Variants in ZAN observed in about 807,000 individuals in gnomAD.
ZAN encodes the protein zonadhesin (gene/pseudogene).
A neutral mutation model predicts 286.2 loss-of-function variants in ZAN; 260 were observed. The ratio of observed to expected loss-of-function variants is 0.91; its 90% CI spans 0.82 to 1.01. ZAN has a LOEUF of 1.01. Ranked by LOEUF, ZAN falls within the 50% of genes least tolerant of loss-of-function variation. The probability of loss-of-function intolerance (pLI) is 0.00; values close to 1 mark genes in which losing one functional copy is unlikely to be tolerated. For missense variants in ZAN, 3,410 were observed against 3,639.2 expected (o/e 0.94, Z 1.62); for synonymous variants, 1,368 against 1,417.5 (o/e 0.97, Z 0.79).
chr7:100,755,850 G>T (rs920519793), intron 15 of ZAN, among the ~76,000 whole-genome samples: 1 of 152,100 alleles, frequency 6.6e-6, no homozygotes, highest in African/African-American at 2.4e-5. Flanking sequence ...GGGATTATAG[G>T]CATAAGTCAC....
At chr7:100,786,263 G>T (rs1002619806) in intron 37 of ZAN, 122 bp downstream of exon 37, 264 of 1,436,420 alleles carry the variant, frequency 1.8e-4, no homozygotes, top group Non-Finnish European at 2.4e-4. Flanking sequence ...GTTGGGGCGG[G>T]CGACTGGATC....
rs772700695 is a variant in ZAN, at chr7:100,758,277, ATC to A, written c.3390_3391del (p.Gln1131ValfsTer10). 1.9e-6 allele frequency: 3 copies of A among 1,613,382 alleles called. No individual in the cohort carries two copies. In the African/African-American group the frequency reaches 4.0e-5, roughly 21 times the overall value. On this transcript the variant is annotated frameshift_variant, in exon 16 of 48. Coordinates refer to ENST00000613979, the MANE Select transcript of ZAN (RefSeq NM_003386.3). LOFTEE classifies it high-confidence loss of function. The stretch of plus-strand genomic sequence containing the variant: ...GCCCGGCAGTCGGGTCGAGTGCCAG[ATC>A]TCTCAGTGTGGGACACACACCGTGT... ...CWPGSRVECQ[I>X]SQCGTHTVCQ...
In ZAN at chr7:100,736,479, C is replaced by CT; in HGVS notation, c.107-3dup. On this transcript the variant is annotated splice_polypyrimidine_tract_variant and splice_region_variant and intron_variant, in intron 3 of 47. Coordinates refer to ENST00000613979, the MANE Select transcript of ZAN (RefSeq NM_003386.3). ...GAAACCTCACTGTGACCCATTCTTC[C>CT]TAGATGTCCTCACCCAGTGTGATTT... 1 of 1,523,842 alleles carries CT rather than the reference C, an allele frequency of 6.6e-7. No homozygotes were observed. Among genetic ancestry groups the CT allele is most frequent in the Non-Finnish European group, 9.0e-7 (1 of 1,107,996 alleles). The allele number at this position is 1,523,842 out of a possible 1,614,324, so 94.4% of individuals were successfully genotyped here.
chr7:100,777,455 A>G (rs1810900170), intron 34 of ZAN, among the ~76,000 whole-genome samples: 1 of 152,014 alleles, frequency 6.6e-6, no homozygotes, highest in African/African-American at 2.4e-5. Context: ...CCGGGGTTCA[A>G]GCAATTCTCG....
chr7:100,779,514 G>T lies in ZAN; in HGVS notation c.6386G>T (p.Cys2129Phe). ...CAGCAGGAGAACCCGAGTGGAAACT[G>T]CAGGGCGGCCGACCTCCGCAGGGCG... The part of the protein sequence containing the change: ...AEQQENPSGN[C>F]RAADLRRARE... The change falls in exon 35 of 48, where the codon TGC becomes TTC. Residue 2129 changes from cysteine to phenylalanine, a missense_variant. Transcript: ENST00000613979. The T allele has an allele frequency of 1.9e-6, 3 of 1,612,480 alleles. No homozygotes were observed. The highest frequency in any genetic ancestry group is 2.5e-6 in the Non-Finnish European group (3 of 1,179,496).
chr7:100,775,699 A>G lies in ZAN; in HGVS notation c.6058A>G (p.Ile2020Val). 6.2e-7 allele frequency: 1 copy of G among 1,613,910 alleles called. No homozygotes were observed. The highest frequency in any genetic ancestry group is 8.5e-7 in the Non-Finnish European group (1 of 1,179,872). The part of the protein sequence containing the change: ...INSKQVTLPA[I>V]SQIPGVSVKS... ...CAGCAAACAGGTCACCCTCCCCGCC[A>G]TCTCCCAGATCCCTGGGGTCAGTGT... The change falls in exon 33 of 48, where the codon ATC becomes GTC. Residue 2020 changes from isoleucine (I) to valine (V), a missense_variant. Ile to Val is a conservative substitution (Grantham distance 29). Transcript: ENST00000613979.
chr7:100,768,461 G>A, intron 26 of ZAN, 149 bp from the exon 27 acceptor site: 1 of 688,488 alleles, frequency 1.5e-6, no homozygotes, highest in East Asian at 2.8e-5. Flanking sequence ...GTCAGAGCAA[G>A]ACTCCATCTC....
chr7:100,762,257 C>T lies in ZAN; in HGVS notation c.3885C>T (p.Asp1295=), dbSNP rs368498950. 2.1e-3 allele frequency: 3,428 copies of T among 1,613,444 alleles called. 96 individuals carry two copies. The South Asian group carries it at 0.034, about 16-fold the overall frequency. Residue 1295 remains aspartate, a synonymous_variant, in exon 20 of 48, where the codon GAC becomes GAT. Coordinates refer to ENST00000613979, the MANE Select transcript of ZAN (RefSeq NM_003386.3). Reference sequence around the variant, plus strand: ...TCTGTGGTTTGTGTGGGAACTATGACGGCAACAGTGACAATGACCACCTGA... The same window carrying T: ...TCTGTGGTTTGTGTGGGAACTATGATGGCAACAGTGACAATGACCACCTGA... ...GKLCGLCGNY[D]GNSDNDHLKL... is the part of the protein sequence containing the mutation.
chr7:100,736,684 G>C, intron 4 of ZAN, 55 bp downstream of exon 4: 1 of 1,506,964 alleles, frequency 6.6e-7, no homozygotes, highest in Non-Finnish European at 9.1e-7. Context: ...TGGGAGGCGG[G>C]AGTGGCTAGA....
At position 100,750,726 on chromosome 7, in the gene ZAN, G is replaced by A; in HGVS notation, c.1351G>A (p.Glu451Lys). Residue 451 changes from glutamate (E) to lysine (K), a missense_variant, in exon 12 of 48, where the codon GAG (glutamate) becomes AAG (lysine). Glu to Lys is a moderately conservative substitution (Grantham distance 56). Transcript: ENST00000613979. ...PFCAPGDICV[E>K]FAYHMYGLGE... ...CTGCGCCCCAGGTGACATCTGCGTG[G>A]AGTTCGCATACCACATGTATGGCCT... The A allele has an allele frequency of 1.2e-6, 2 of 1,613,060 alleles. No homozygotes were observed. Among genetic ancestry groups the A allele is most frequent in the Admixed American group, 1.7e-5 (1 of 59,814 alleles).
In ZAN at chr7:100,793,511, C is replaced by T. The variant is rs182283630; in HGVS notation, c.7788-309C>T. ...CTGGAGTGCAGTGGCATGATCTCGGCTCACTGCAACCTCCGCCTCCTGGGT... is the reference window on the plus strand; with the variant it reads ...CTGGAGTGCAGTGGCATGATCTCGGTTCACTGCAACCTCCGCCTCCTGGGT... On this transcript the variant is annotated intron_variant, in intron 42 of 47. Coordinates refer to ENST00000613979, the MANE Select transcript of ZAN (RefSeq NM_003386.3). Among the ~76,000 whole-genome samples, 666 of 152,120 alleles carry T rather than the reference C, an allele frequency of 4.4e-3. 3 individuals are homozygous for T. The highest frequency in any genetic ancestry group is 0.016 in the African/African-American group (646 of 41,504).
chr7:100,775,295 C>T (rs373033081), intron 31 of ZAN, 33 bp from the exon 32 acceptor site: 15 of 1,604,308 alleles, frequency 9.3e-6, no homozygotes, highest in Middle Eastern at 1.7e-4. Context: ...GCCAGAGGAG[C>T]GTCATAGCCC....
Position 100,737,362 on chromosome 7 carries a change from C to T in ZAN, c.613+13C>T, listed in dbSNP as rs1354629361. The T allele has an allele frequency of 4.9e-6, 7 of 1,424,866 alleles. 1 individual carries two copies. Among genetic ancestry groups the T allele is most frequent in the Middle Eastern group, 1.8e-4 (1 of 5,568 alleles). 88.3% of individuals were successfully genotyped at this position (1,424,866 alleles called of 1,614,324 possible). A position where few individuals can be genotyped will look rare whatever the true frequency, so the allele number is the denominator to read the frequency against. On this transcript the variant is annotated intron_variant, in intron 6 of 47. Coordinates refer to ENST00000613979, the MANE Select transcript of ZAN (RefSeq NM_003386.3). ...TCCTGTAATCGCGGTGAGTCCCTGT[C>T]CCTCCTCCCGCCTGCCCTCGGACCC...
At chr7:100,794,401 G>A (rs1184710692) in intron 44 of ZAN, 143 bp downstream of exon 44, 11 of 1,373,028 alleles carry the variant, frequency 8.0e-6, no homozygotes, top group Middle Eastern at 2.7e-4. Context: ...AGGGACAAAG[G>A]ACAAAGATCT....
Position 100,769,957 on chromosome 7 carries a change from T to C in ZAN, c.5231T>C (p.Ile1744Thr), listed in dbSNP as rs565285729. The change falls in exon 28 of 48, where the codon ATC becomes ACC. Residue 1744 changes from isoleucine to threonine, a missense_variant. Around this residue, in one of 7 missense-constraint regions of ZAN, gnomAD observed 27 missense variants for 58.7 expected, o/e 0.46. Transcript: ENST00000613979. ...GACGCCTGGAACAAGAACTGTGCGA[T>C]CTTAATAAACCCTCAGGGTAAGACA... Reference protein sequence around the residue: ...MADAWNKNCAILINPQGPFSQ... With the variant: ...MADAWNKNCATLINPQGPFSQ... 6.4e-7 allele frequency: 1 copy of C among 1,564,924 alleles called. No individual in the cohort carries two copies. Among genetic ancestry groups the C allele is most frequent in the Non-Finnish European group, 8.7e-7 (1 of 1,154,218 alleles).
intron 22 of ZAN, 77 bp from the exon 23 acceptor site, chr7:100,765,275 G>A (rs776969784): frequency 5.9e-5 from 89 of 1,499,294 alleles, no homozygotes; most frequent in East Asian, 1.2e-4. Flanking sequence ...GGGCCCTTCC[G>A]AACGTGTCCT....
rs745447181 is a variant in ZAN, at chr7:100,779,297, T to C, written c.6318-149T>C. The C allele has an allele frequency of 4.2e-4, 335 of 797,524 alleles. 2 individuals carry two copies. Among genetic ancestry groups the C allele is most frequent in the Admixed American group, 1.1e-3 (37 of 34,240 alleles). The allele number at this position is 797,524 out of a possible 1,614,324, so 49.4% of individuals were successfully genotyped here. A position where few individuals can be genotyped will look rare whatever the true frequency, so the allele number is the denominator to read the frequency against. On this transcript the variant is annotated intron_variant, in intron 34 of 47. Coordinates refer to ENST00000613979, the MANE Select transcript of ZAN (RefSeq NM_003386.3). Reference sequence around the variant, plus strand: ...GTGAGACAGGAGAATCGCTTGAACATGGGAGGGAAGGCAGAGGTTGCAGTG... The same window carrying C: ...GTGAGACAGGAGAATCGCTTGAACACGGGAGGGAAGGCAGAGGTTGCAGTG...
At chr7:100,749,651 AATATATAT>A (rs1247548413) in intron 11 of ZAN, among the ~76,000 whole-genome samples, 13 of 109,420 alleles carry the variant, frequency 1.2e-4, no homozygotes, top group Middle Eastern at 4.9e-3. Context: ...AAAAAAAAAA[AATATATAT>A]ATATATATAT....
In ZAN at chr7:100,797,407, G is replaced by A; in HGVS notation, c.8308G>A (p.Val2770Met). 6.2e-7 allele frequency: 1 copy of A among 1,613,780 alleles called. No individual in the cohort carries two copies. The highest frequency in any genetic ancestry group is 2.2e-5 in the East Asian group (1 of 44,890). ...VGVLLGLLVPVVVVLLAVTRE... is the reference protein window; with the variant it reads ...VGVLLGLLVPMVVVLLAVTRE... ...CGTCCTACTGGGACTGCTGGTGCCT[G>A]TGGTGGTCGTACTACTGGCCGTGAC... Residue 2770 changes from valine (V) to methionine (M), a missense_variant, in exon 46 of 48, where the codon GTG becomes ATG. Coordinates refer to ENST00000613979, the MANE Select transcript of ZAN (RefSeq NM_003386.3).
Sources: gnomAD v4.1 joint callset for allele counts (sites outside exome capture counted in the v4.1 genomes callset) on GRCh38, gnomAD v4.1.1 for gene constraint, gnomAD v4.1.1 regional missense constraint, MANE v1.5 for transcripts, NCBI Gene and HGNC (gene_info 2026-07-23, HGNC 2026-07-21) for gene names.